Variants in RPRD1A observed in about 807,000 individuals in gnomAD.
RPRD1A encodes regulation of nuclear pre-mRNA domain containing 1A, also known as regulation of nuclear pre-mRNA domain-containing protein 1A.
RPRD1A carries 9 observed loss-of-function variants against 37.8 expected under a neutral mutation model. The observed-to-expected ratio is 0.24, with a 90% CI of 0.14 to 0.42. RPRD1A has a LOEUF of 0.42. Among genes scored for constraint, RPRD1A ranks in the 10% least tolerant of loss-of-function variants. RPRD1A has a pLI of 1.00. For synonymous variants in RPRD1A, 138 were observed against 139.7 expected (o/e 0.99, Z 0.08); for missense variants, 255 against 371.0 (o/e 0.69, Z 2.57).
At chr18:35,997,618 A>G (rs1436214550) in intron 6 of RPRD1A, among the ~76,000 whole-genome samples, 1 of 152,240 alleles carries the variant, frequency 6.6e-6, no homozygotes, top group East Asian at 1.9e-4. Context: ...ATTCTACTAC[A>G]AATAAGATCA....
chr18:36,023,300 T>G (rs1217295216), intron 6 of RPRD1A, among the ~76,000 whole-genome samples: 2 of 152,234 alleles, frequency 1.3e-5, no homozygotes, highest in African/African-American at 4.8e-5. Flanking sequence ...ACTCCAATTC[T>G]CATGGCTGAC....
rs529385537 is a variant in RPRD1A, at chr18:36,067,139, C to T, written c.151+115G>A. On this transcript the variant is annotated intron_variant, in intron 1 of 6. Coordinates refer to ENST00000399022, the MANE Select transcript of RPRD1A (RefSeq NM_018170.5). ...CAGCTCCTCCAAGCCCGCAGACCAC[C>T]GCGCGCTGGCATCCCGACGCCGGGA... The T allele has an allele frequency of 1.3e-5, 15 of 1,165,010 alleles. No homozygotes were observed. The African/African-American group carries it at 2.3e-4, about 18-fold the overall frequency. The allele number at this position is 1,165,010 out of a possible 1,614,324, so 72.2% of individuals were successfully genotyped here.
intron 1 of RPRD1A, among the ~76,000 whole-genome samples, chr18:36,046,678 AAAAC>A (rs1251611189): frequency 6.6e-6 from 1 of 151,908 alleles, no homozygotes; most frequent in African/African-American, 2.4e-5. Context: ...CAGAAAAAAA[AAAAC>A]AAAATCAGCC....
chr18:36,061,361 C>T (rs564721815), intron 1 of RPRD1A, among the ~76,000 whole-genome samples: 9 of 152,228 alleles, frequency 5.9e-5, no homozygotes, highest in Non-Finnish European at 1.3e-4. Flanking sequence ...GGTTGAGGCA[C>T]TTACAGTTTT....
intron 1 of RPRD1A, among the ~76,000 whole-genome samples, chr18:36,043,043 A>G (rs1164971962): frequency 1.3e-5 from 2 of 151,922 alleles, no homozygotes; most frequent in Admixed American, 6.6e-5. Flanking sequence ...ACCATGGCAC[A>G]TCCATACAAT....
At position 36,027,170 on chromosome 18, in the gene RPRD1A, T is replaced by G; in HGVS notation, c.613+14A>C. 1 of 1,613,580 alleles carries G rather than the reference T, an allele frequency of 6.2e-7. No individual in the cohort carries two copies. Reference sequence around the variant, plus strand: ...ACTCCCAAAAAAGTTCTGGATCACATTTTCTTTTCTTACCTGTTATTTTAT... The same window carrying G: ...ACTCCCAAAAAAGTTCTGGATCACAGTTTCTTTTCTTACCTGTTATTTTAT... On this transcript the variant is annotated intron_variant, in intron 5 of 6. Coordinates refer to ENST00000399022, the MANE Select transcript of RPRD1A (RefSeq NM_018170.5).
chr18:36,063,768 G>T (rs951214573), intron 1 of RPRD1A, among the ~76,000 whole-genome samples: 1 of 152,170 alleles, frequency 6.6e-6, no homozygotes, highest in Non-Finnish European at 1.5e-5. Flanking sequence ...AAAGGGGAAG[G>T]ACACAAAGGC....
At chr18:36,064,850 G>GT (rs1396230967) in intron 1 of RPRD1A, among the ~76,000 whole-genome samples, 1 of 152,100 alleles carries the variant, frequency 6.6e-6, no homozygotes, top group Non-Finnish European at 1.5e-5. Context: ...TTTATGAGCT[G>GT]TAACACTCAC....
chr18:36,045,949 T>C (rs1912923537), intron 1 of RPRD1A, among the ~76,000 whole-genome samples: 1 of 152,244 alleles, frequency 6.6e-6, no homozygotes, highest in Non-Finnish European at 1.5e-5. Flanking sequence ...GATTCTATTT[T>C]GAAGACTAAC....
At chr18:36,043,631 T>C (rs1373772389) in intron 1 of RPRD1A, among the ~76,000 whole-genome samples, 1 of 152,196 alleles carries the variant, frequency 6.6e-6, no homozygotes, top group African/African-American at 2.4e-5. Flanking sequence ...ATATACACCA[T>C]ACCCATTTAT....
intron 1 of RPRD1A, among the ~76,000 whole-genome samples, chr18:36,060,856 T>C (rs1035208509): frequency 1.3e-5 from 2 of 152,094 alleles, no homozygotes; most frequent in African/African-American, 4.8e-5. Context: ...AAGCCCAGCA[T>C]GGTAGTGTGC....
At chr18:35,998,588 A>C (rs1381567150) in intron 6 of RPRD1A, among the ~76,000 whole-genome samples, 15 of 152,108 alleles carry the variant, frequency 9.9e-5, no homozygotes, top group Non-Finnish European at 1.5e-4. Context: ...TTATCACCTC[A>C]GTCATGAGCA....
intron 1 of RPRD1A, among the ~76,000 whole-genome samples, chr18:36,050,130 G>C (rs572197258): frequency 6.6e-6 from 1 of 151,822 alleles, no homozygotes; most frequent in Admixed American, 6.6e-5. Flanking sequence ...TTCAGTTTGG[G>C]AAAATGGAAA....
chr18:36,040,806 C>A, intron 1 of RPRD1A: 2 of 1,503,562 alleles, frequency 1.3e-6, no homozygotes, highest in Non-Finnish European at 1.8e-6. Flanking sequence ...TATTCACTTA[C>A]AGTAAATTCC....
At chr18:36,039,101 A>G (rs976245772) in intron 1 of RPRD1A, among the ~76,000 whole-genome samples, 1 of 152,122 alleles carries the variant, frequency 6.6e-6, no homozygotes, top group Non-Finnish European at 1.5e-5. Context: ...GAAATGTAAG[A>G]AGGACATGAG....
chr18:36,043,088 G>A (rs1393337946), intron 1 of RPRD1A, among the ~76,000 whole-genome samples: 3 of 149,600 alleles, frequency 2.0e-5, no homozygotes, highest in Non-Finnish European at 4.4e-5. Context: ...AAAAATGAAA[G>A]CGATTGATGT....
chr18:36,030,711 A>G, intron 4 of RPRD1A, 97 bp downstream of exon 4: 1 of 709,454 alleles, frequency 1.4e-6, no homozygotes, highest in Non-Finnish European at 2.4e-6. Flanking sequence ...TAAAAGTATA[A>G]TAGAAATCAA....
chr18:36,032,912 A>G (rs1041296705), intron 2 of RPRD1A, among the ~76,000 whole-genome samples: 1 of 151,696 alleles, frequency 6.6e-6, no homozygotes. Flanking sequence ...GGTTTGGAAC[A>G]AAAAAAAATC....
intron 1 of RPRD1A, among the ~76,000 whole-genome samples, chr18:36,057,893 C>T (rs1469268891): frequency 6.6e-6 from 1 of 152,160 alleles, no homozygotes. Context: ...TATTACTGTG[C>T]AGTTACTAGT....
Sources: gnomAD v4.1 joint callset for allele counts (sites outside exome capture counted in the v4.1 genomes callset) on GRCh38, gnomAD v4.1.1 for gene constraint, MANE v1.5 for transcripts, NCBI Gene and HGNC (gene_info 2026-07-23, HGNC 2026-07-21) for gene names.